The following RSRC1 variants were observed in gnomAD, a reference collection of about 807,000 sequenced individuals.
The protein encoded by RSRC1 is serine/Arginine-related protein 53.
A neutral mutation model predicts 49.1 loss-of-function variants in RSRC1; 39 were observed. That is an observed-to-expected ratio of 0.79 (90% confidence interval 0.61 to 1.04). The LOEUF (loss-of-function observed/expected upper bound fraction) is 1.04. RSRC1 is among the 50% of genes least tolerant of loss of function. The pLI is 0.00. For missense variants in RSRC1, 388 were observed against 402.4 expected, an observed-to-expected ratio of 0.96 and a Z score of 0.31; for synonymous variants, 143 against 130.8, an observed-to-expected ratio of 1.09 and a Z score of -0.63.
intron 3 of RSRC1, among the ~76,000 whole-genome samples, chr3:158,179,915 TATCTG>T (rs1719479455): frequency 6.6e-6 from 1 of 152,208 alleles, no homozygotes; most frequent in South Asian, 2.1e-4. Flanking sequence ...GTTTTAATGT[TATCTG>T]ATCTGATAGT....
intron 7 of RSRC1, among the ~76,000 whole-genome samples, chr3:158,521,611 A>G (rs1188095973): frequency 1.3e-5 from 2 of 152,184 alleles, no homozygotes; most frequent in Non-Finnish European, 2.9e-5. Flanking sequence ...CTAAGATTAT[A>G]TCATTAGTTG....
intron 3 of RSRC1, among the ~76,000 whole-genome samples, chr3:158,140,574 T>G (rs1716685079): frequency 6.6e-6 from 1 of 152,224 alleles, no homozygotes; most frequent in Non-Finnish European, 1.5e-5. Flanking sequence ...TTTGCCTTAT[T>G]TGGAATTCAG....
intron 3 of RSRC1, among the ~76,000 whole-genome samples, chr3:158,177,856 T>C (rs1719326582): frequency 6.6e-6 from 1 of 152,148 alleles, no homozygotes; most frequent in Non-Finnish European, 1.5e-5. Flanking sequence ...AATATCAATA[T>C]ACTTTTTAGA....
At chr3:158,354,744 G>T in intron 5 of RSRC1, 113 bp from the exon 6 acceptor site, 1 of 721,202 alleles carries the variant, frequency 1.4e-6, no homozygotes, top group Non-Finnish European at 2.3e-6. Flanking sequence ...TTATGTTAAA[G>T]CTCTTTAAAT....
intron 4 of RSRC1, among the ~76,000 whole-genome samples, chr3:158,267,583 T>C (rs114802293): frequency 0.016 from 2,454 of 152,108 alleles, 87 homozygotes; most frequent in African/African-American, 0.056. Flanking sequence ...TATGGTGGTC[T>C]TTCTTTAAGT....
intron 6 of RSRC1, among the ~76,000 whole-genome samples, chr3:158,413,092 A>G (rs901666686): frequency 4.6e-5 from 7 of 152,174 alleles, no homozygotes; most frequent in Non-Finnish European, 8.8e-5. Flanking sequence ...TTCAAACTAT[A>G]CTACAAGGCT....
chr3:158,354,917 T>G lies in RSRC1; in HGVS notation c.583+9T>G. The G allele has an allele frequency of 6.5e-7, 1 of 1,541,770 alleles. No individual in the cohort carries two copies. The highest frequency in any genetic ancestry group is 8.7e-7 in the Non-Finnish European group (1 of 1,148,176). On this transcript the variant is annotated intron_variant, in intron 6 of 9. Coordinates refer to ENST00000611884, the MANE Select transcript of RSRC1 (RefSeq NM_001271838.2). ...GGTTCTTGAAGCTGCTGGTAAGTGT[T>G]GATAATTAACTTTTATTAAATGAAG... is the stretch of plus-strand genomic sequence containing the variant.
At chr3:158,309,653 A>T (rs1263953337) in intron 5 of RSRC1, among the ~76,000 whole-genome samples, 1 of 151,764 alleles carries the variant, frequency 6.6e-6, no homozygotes, top group Non-Finnish European at 1.5e-5. Context: ...ACATGATTTA[A>T]CTTCTTCCTA....
intron 7 of RSRC1, among the ~76,000 whole-genome samples, chr3:158,482,058 TA>T (rs1560060936): frequency 6.6e-6 from 1 of 152,044 alleles, no homozygotes; most frequent in Non-Finnish European, 1.5e-5. Context: ...AAAGGCAGTT[TA>T]ATAAAGTCAT....
chr3:158,476,324 C>T (rs1266654413), intron 7 of RSRC1, among the ~76,000 whole-genome samples: 1 of 152,146 alleles, frequency 6.6e-6, no homozygotes, highest in East Asian at 1.9e-4. Flanking sequence ...ATGAAGGCAG[C>T]TATGCTAAAC....
At chr3:158,331,536 GT>G (rs960807480) in intron 5 of RSRC1, among the ~76,000 whole-genome samples, 1 of 151,800 alleles carries the variant, frequency 6.6e-6, no homozygotes, top group African/African-American at 2.4e-5. Flanking sequence ...AATCTGTTGG[GT>G]TTTTTTCTTT....
chr3:158,204,554 G>A (rs1185754685), intron 4 of RSRC1, among the ~76,000 whole-genome samples: 1 of 152,168 alleles, frequency 6.6e-6, no homozygotes, highest in Non-Finnish European at 1.5e-5. Flanking sequence ...ATGGAATGAA[G>A]GCAGAAAGCA....
chr3:158,528,433 T>A (rs1216409297), intron 7 of RSRC1, among the ~76,000 whole-genome samples: 1 of 151,904 alleles, frequency 6.6e-6, no homozygotes, highest in Non-Finnish European at 1.5e-5. Context: ...GAATTACATA[T>A]CTTGCTTTTG....
Position 158,545,459 on chromosome 3 carries a change from C to T in RSRC1, c.*1184C>T, listed in dbSNP as rs574594874. 3 of 151,980 alleles carry T rather than the reference C, an allele frequency of 2.0e-5. No individual in the cohort carries two copies. Among genetic ancestry groups the T allele is most frequent in the East Asian group, 3.9e-4 (2 of 5,162 alleles). The allele number at this position is 151,980 out of a possible 1,614,324, so 9.4% of individuals were successfully genotyped here. ...TGTCCAGTCACTAATTTAGTCTCTG[C>T]GAAGACTGTAGCTCAGAACAAAAGA... On this transcript the variant is annotated 3_prime_UTR_variant, in exon 10 of 10. Transcript: ENST00000611884.
chr3:158,321,203 A>G (rs1269145886), intron 5 of RSRC1, among the ~76,000 whole-genome samples: 3 of 151,490 alleles, frequency 2.0e-5, no homozygotes, highest in Non-Finnish European at 4.4e-5. Flanking sequence ...CTTTATGTTT[A>G]GGTAACCTCT....
chr3:158,492,322 A>G (rs1161869869), intron 7 of RSRC1, among the ~76,000 whole-genome samples: 1 of 152,218 alleles, frequency 6.6e-6, no homozygotes, highest in Non-Finnish European at 1.5e-5. Context: ...TCTAAGTTGT[A>G]TATATTTAAT....
At chr3:158,351,641 A>G (rs937112707) in intron 5 of RSRC1, among the ~76,000 whole-genome samples, 26 of 151,926 alleles carry the variant, frequency 1.7e-4, no homozygotes, top group African/African-American at 6.3e-4. Flanking sequence ...ATTTATATCT[A>G]TGTGAATTAA....
chr3:158,182,420 T>C (rs1034397140), intron 3 of RSRC1, among the ~76,000 whole-genome samples: 3 of 152,216 alleles, frequency 2.0e-5, no homozygotes, highest in Non-Finnish European at 4.4e-5. Flanking sequence ...CCCCAGATTA[T>C]AAATTTTACT....
intron 4 of RSRC1, among the ~76,000 whole-genome samples, chr3:158,230,306 T>G (rs1466461878): frequency 6.6e-6 from 1 of 152,152 alleles, no homozygotes; most frequent in Non-Finnish European, 1.5e-5. Flanking sequence ...GGATGTTGGT[T>G]TGCCCCATTA....
Sources: gnomAD v4.1 joint callset for allele counts (sites outside exome capture counted in the v4.1 genomes callset) on GRCh38, gnomAD v4.1.1 for gene constraint, MANE v1.5 for transcripts, NCBI Gene and HGNC (gene_info 2026-07-23, HGNC 2026-07-21) for gene names.